CCDC18: variants seen among roughly 807,000 people sequenced by gnomAD.
The protein encoded by CCDC18 is coiled-coil domain-containing protein 18.
A neutral mutation model predicts 196.0 loss-of-function variants in CCDC18; 157 were observed. The ratio of observed to expected loss-of-function variants is 0.80; its 90% CI spans 0.70 to 0.91. The LOEUF (loss-of-function observed/expected upper bound fraction) is 0.91. Ranked by LOEUF, CCDC18 falls within the 40% of genes least tolerant of loss-of-function variation. The pLI, the probability that CCDC18 is intolerant of heterozygous loss-of-function variation, is 0.00. For missense variants in CCDC18, 1,465 were observed against 1,611.6 expected (o/e 0.91, Z 1.56); for synonymous variants, 482 against 529.2 (o/e 0.91, Z 1.22).
At chr1:93,246,813 A>G (rs1462704179) in intron 22 of CCDC18, 25 bp from the exon 23 acceptor site, 1 of 1,021,590 alleles carries the variant, frequency 9.8e-7, no homozygotes, top group South Asian at 1.3e-5. Flanking sequence ...ATAAAATTGA[A>G]CAACAGTTTA....
At chr1:93,250,307 G>C (rs1348560556) in intron 23 of CCDC18, among the ~76,000 whole-genome samples, 2 of 149,640 alleles carry the variant, frequency 1.3e-5, no homozygotes, top group African/African-American at 5.0e-5. Flanking sequence ...CTTGAACCCA[G>C]GAGGTCGAGG....
chr1:93,182,891 A>G (rs1649970636), intron 1 of CCDC18, among the ~76,000 whole-genome samples: 1 of 152,186 alleles, frequency 6.6e-6, no homozygotes, highest in South Asian at 2.1e-4. Context: ...TGAAAGTTCA[A>G]ACACCTCATA....
At chr1:93,212,329 A>C (rs1655785413) in intron 11 of CCDC18, 68 bp downstream of exon 11, 3 of 1,107,438 alleles carry the variant, frequency 2.7e-6, no homozygotes, top group Non-Finnish European at 3.7e-6. Context: ...TTTTAAAAAA[A>C]CTTTTATTTA....
chr1:93,233,050 C>T (rs1659491506), intron 18 of CCDC18, among the ~76,000 whole-genome samples: 1 of 152,108 alleles, frequency 6.6e-6, no homozygotes, highest in Non-Finnish European at 1.5e-5. Context: ...AAATAAAGTT[C>T]TATTCCTATG....
chr1:93,191,158 A>G (rs1015181213), intron 4 of CCDC18: 1 of 465,218 alleles, frequency 2.1e-6, no homozygotes, highest in Non-Finnish European at 3.9e-6. Context: ...CCTGTGGGAT[A>G]ACCCAAAATG....
At position 93,193,745 on chromosome 1, in the gene CCDC18, G is replaced by T. The variant is rs1351361738; in HGVS notation, c.698+1G>T. 3.9e-6 allele frequency: 6 copies of T among 1,546,392 alleles called. No individual in the cohort carries two copies. Among genetic ancestry groups the T allele is most frequent in the Non-Finnish European group, 4.3e-6 (5 of 1,154,054 alleles). On this transcript the variant is annotated splice_donor_variant, in intron 6 of 28. Transcript: ENST00000690025. LOFTEE classifies it high-confidence loss of function. ...TTGAACAAACCAAACAAGGAAAAAG[G>T]TATGTGTTTTTAAAGCAAATACATG...
chr1:93,246,044 A>G (rs1355239097), intron 21 of CCDC18, 61 bp from the exon 22 acceptor site: 1 of 1,171,280 alleles, frequency 8.5e-7, no homozygotes. Flanking sequence ...GGTTGACCTA[A>G]CTTTTTAAAA....
At chr1:93,227,702 C>T (rs1658598161) in intron 17 of CCDC18, among the ~76,000 whole-genome samples, 1 of 151,640 alleles carries the variant, frequency 6.6e-6, no homozygotes, top group South Asian at 2.1e-4. Context: ...GCCTATAAGC[C>T]CAGCACTTGG....
intron 3 of CCDC18, among the ~76,000 whole-genome samples, chr1:93,184,802 A>T (rs931288265): frequency 1.3e-5 from 2 of 151,998 alleles, no homozygotes; most frequent in African/African-American, 4.8e-5. Context: ...AAAGCCAACC[A>T]TTAAGAGCTT....
At chr1:93,227,969 A>ATATATATATATATAT (rs1199036758) in intron 17 of CCDC18, among the ~76,000 whole-genome samples, 1 of 101,298 alleles carries the variant, frequency 9.9e-6, no homozygotes, top group East Asian at 2.6e-4. Context: ...AAAAAAAAAA[A>ATATATATATATATAT]AAATATATAT....
At chr1:93,213,299 T>A (rs1409753006) in intron 11 of CCDC18, among the ~76,000 whole-genome samples, 1 of 152,158 alleles carries the variant, frequency 6.6e-6, no homozygotes, top group African/African-American at 2.4e-5. Context: ...GTCAGGTGTT[T>A]GTGTTTTAAT....
intron 21 of CCDC18, among the ~76,000 whole-genome samples, chr1:93,244,951 T>C (rs1397217553): frequency 6.6e-6 from 1 of 152,188 alleles, no homozygotes; most frequent in African/African-American, 2.4e-5. Flanking sequence ...CTTCTCTGAC[T>C]ACCCACTCTA....
At chr1:93,199,680 T>G (rs965490052) in intron 6 of CCDC18, 1 of 152,306 alleles carries the variant, frequency 6.6e-6, no homozygotes, top group Non-Finnish European at 1.5e-5. Context: ...AAGAATGAGG[T>G]AAGCAAACAA....
At chr1:93,244,076 T>C (rs1277742906) in intron 21 of CCDC18, among the ~76,000 whole-genome samples, 5 of 152,274 alleles carry the variant, frequency 3.3e-5, no homozygotes, top group South Asian at 2.1e-4. Context: ...CTGCACAATT[T>C]ACAAAAGAAA....
chr1:93,269,177 C>T (rs1043123087), intron 27 of CCDC18, among the ~76,000 whole-genome samples: 3 of 149,384 alleles, frequency 2.0e-5, no homozygotes, highest in African/African-American at 7.4e-5. Flanking sequence ...ATTGCAAGGA[C>T]AAAAAACCAA....
At chr1:93,198,047 G>A (rs35940311) in intron 6 of CCDC18, among the ~76,000 whole-genome samples, 81,255 of 151,702 alleles carry the variant, frequency 0.54, 24,347 homozygotes, top group South Asian at 0.68. Flanking sequence ...CACCGCGCCC[G>A]GCCCACTCTC....
chr1:93,270,242 A>G (rs1665105260), intron 27 of CCDC18, 105 bp from the exon 28 acceptor site: 6 of 678,800 alleles, frequency 8.8e-6, no homozygotes, highest in Non-Finnish European at 1.5e-5. Context: ...CAGAATTCCT[A>G]TAGTGGGACA....
intron 17 of CCDC18, among the ~76,000 whole-genome samples, chr1:93,228,459 A>G (rs1354542078): frequency 6.6e-6 from 1 of 151,946 alleles, no homozygotes; most frequent in African/African-American, 2.4e-5. Context: ...GTAGTTGACC[A>G]GCACTCCAGA....
intron 14 of CCDC18, among the ~76,000 whole-genome samples, chr1:93,221,153 G>C (rs774844468): frequency 9.2e-5 from 14 of 152,154 alleles, no homozygotes; most frequent in Admixed American, 2.6e-4. Context: ...CCCAGTAATG[G>C]GATTGCTGGG....
Sources: gnomAD v4.1 joint callset for allele counts (sites outside exome capture counted in the v4.1 genomes callset) on GRCh38, gnomAD v4.1.1 for gene constraint, MANE v1.5 for transcripts, NCBI Gene and HGNC (gene_info 2026-07-23, HGNC 2026-07-21) for gene names.